Variants in GPC5 observed in about 807,000 individuals in gnomAD.
The protein encoded by GPC5 is glypican 5, also known as glypican-5.
GPC5 carries 47 observed loss-of-function variants against 53.9 expected under a neutral mutation model. The ratio of observed to expected loss-of-function variants is 0.87; its 90% confidence interval spans 0.69 to 1.11. The LOEUF (loss-of-function observed/expected upper bound fraction) is 1.11, where lower values mean the gene tolerates loss of function less well. GPC5 is among the 50% of genes most tolerant of loss of function. The pLI is 0.00. For synonymous variants in GPC5, 286 were observed against 263.3 expected, an observed-to-expected ratio of 1.09 and a Z score of -0.84; for missense variants, 748 against 713.1, an observed-to-expected ratio of 1.05 and a Z score of -0.56.
chr13:92,447,738 A>G (rs2139394714), intron 7 of GPC5: 1 of 152,262 alleles, frequency 6.6e-6, no homozygotes, highest in East Asian at 1.9e-4. Flanking sequence ...TAAATTTAAC[A>G]AATGACCTCT....
intron 5 of GPC5, among the ~76,000 whole-genome samples, chr13:91,802,703 C>G (rs577156956): frequency 2.6e-5 from 4 of 152,050 alleles, no homozygotes; most frequent in Admixed American, 2.6e-4. Flanking sequence ...CCAGCCGACC[C>G]GGAAGCCCAG....
chr13:91,674,667 C>T (rs375830283), intron 2 of GPC5, among the ~76,000 whole-genome samples: 18 of 143,438 alleles, frequency 1.3e-4, no homozygotes, highest in South Asian at 4.6e-4. Context: ...TGTATATATA[C>T]GCATATATAT....
chr13:91,778,740 C>A (rs572245398), intron 5 of GPC5, among the ~76,000 whole-genome samples: 1 of 152,132 alleles, frequency 6.6e-6, no homozygotes, highest in Non-Finnish European at 1.5e-5. Flanking sequence ...TCAATCATCA[C>A]GTAACTAATT....
At chr13:91,993,293 C>A (rs2040473752) in intron 6 of GPC5, among the ~76,000 whole-genome samples, 1 of 152,174 alleles carries the variant, frequency 6.6e-6, no homozygotes, top group South Asian at 2.1e-4. Context: ...AATGAGCAAA[C>A]TGCAATTCTA....
At chr13:92,441,716 T>G (rs915949567) in intron 7 of GPC5, among the ~76,000 whole-genome samples, 2 of 152,178 alleles carry the variant, frequency 1.3e-5, no homozygotes. Context: ...CATTCCATGC[T>G]TATAAACTGG....
intron 2 of GPC5, among the ~76,000 whole-genome samples, chr13:91,454,342 TTTTTTAAAC>T (rs1248547375): frequency 6.6e-6 from 1 of 152,086 alleles, no homozygotes; most frequent in Non-Finnish European, 1.5e-5. Flanking sequence ...TCCAAGTTTC[TTTTTTAAAC>T]TCTAAGAAGT....
chr13:92,278,970 A>AT (rs373499473), intron 7 of GPC5, among the ~76,000 whole-genome samples: 64 of 150,574 alleles, frequency 4.3e-4, no homozygotes, highest in Middle Eastern at 3.4e-3. Context: ...GTCTTAAATC[A>AT]TTTTTTTTTC....
In GPC5 at chr13:92,451,544, C is replaced by T. The variant is rs188182455; in HGVS notation, c.1561+306555C>T. ...GCAAGATAGGAATCAAAGTGATTAA[C>T]GTTATGTATATGAAAGTCAAGATTT... On this transcript the variant is annotated intron_variant, in intron 7 of 7. Transcript: ENST00000377067. Among the ~76,000 whole-genome samples, 36 of 151,386 alleles carry T rather than the reference C, an allele frequency of 2.4e-4. No individual in the cohort carries two copies. In the East Asian group the frequency reaches 3.1e-3, roughly 13 times the overall value.
rs138253255 is a variant in GPC5 at position 92,408,893 on chromosome 13, A to G, written c.1561+263904A>G. Among the ~76,000 whole-genome samples the G allele has an allele frequency of 2.7e-3, 413 of 152,260 alleles. 3 individuals are homozygous for G. The highest frequency in any genetic ancestry group is 9.5e-3 in the African/African-American group (393 of 41,554). On this transcript the variant is annotated intron_variant, in intron 7 of 7. Coordinates refer to ENST00000377067, the MANE Select transcript of GPC5 (RefSeq NM_004466.6). ...CTATAATAAACAGTGTGCCATATAC[A>G]TGAATGAAAATAATGGACCTATGGA...
intron 2 of GPC5, among the ~76,000 whole-genome samples, chr13:91,672,075 C>G (rs2035263546): frequency 6.6e-6 from 1 of 152,092 alleles, no homozygotes; most frequent in African/African-American, 2.4e-5. Context: ...TTCCTTACAC[C>G]TTATACAAAA....
intron 6 of GPC5, among the ~76,000 whole-genome samples, chr13:92,059,189 A>G (rs2041101057): frequency 6.6e-6 from 1 of 152,200 alleles, no homozygotes; most frequent in Non-Finnish European, 1.5e-5. Flanking sequence ...GTTCATATCT[A>G]TATCATCTTA....
chr13:91,684,891 GCT>G (rs1168348579), intron 2 of GPC5, among the ~76,000 whole-genome samples: 3 of 152,098 alleles, frequency 2.0e-5, no homozygotes, highest in Non-Finnish European at 4.4e-5. Flanking sequence ...CACTCACTGA[GCT>G]CCAATCACAT....
chr13:92,228,331 A>T (rs2042504204), intron 7 of GPC5, among the ~76,000 whole-genome samples: 1 of 152,172 alleles, frequency 6.6e-6, no homozygotes, highest in Non-Finnish European at 1.5e-5. Context: ...AAATAAAAGT[A>T]AAATTATTGT....
intron 4 of GPC5, among the ~76,000 whole-genome samples, chr13:91,728,880 A>G (rs1387546135): frequency 6.6e-6 from 1 of 152,152 alleles, no homozygotes; most frequent in Non-Finnish European, 1.5e-5. Flanking sequence ...TTTTGTGATA[A>G]TGGAAGATTT....
intron 2 of GPC5, among the ~76,000 whole-genome samples, chr13:91,452,306 TC>T (rs1397203274): frequency 1.3e-5 from 2 of 152,140 alleles, no homozygotes; most frequent in Non-Finnish European, 1.5e-5. Context: ...TTAGAAGGAC[TC>T]ATGATTATGA....
intron 7 of GPC5, among the ~76,000 whole-genome samples, chr13:92,621,265 C>T (rs1846897629): frequency 6.6e-6 from 1 of 152,114 alleles, no homozygotes; most frequent in Admixed American, 6.5e-5. Context: ...GGGAAACCCA[C>T]CCCTGATGGT....
rs559138768 is a variant in GPC5, at chr13:92,122,015, G to A, written c.1402-22815G>A. Among the ~76,000 whole-genome samples the A allele has an allele frequency of 5.9e-5, 9 of 152,264 alleles. No homozygotes were observed. In the East Asian group the frequency reaches 1.7e-3, roughly 29 times the overall value. On this transcript the variant is annotated intron_variant, in intron 6 of 7. Coordinates refer to ENST00000377067, the MANE Select transcript of GPC5 (RefSeq NM_004466.6). Reference sequence around the variant, plus strand: ...TCAGTCTTTGCTAGAAGCAACTTGCGACAAATCACACATCTACAGACTCTG... The same window carrying A: ...TCAGTCTTTGCTAGAAGCAACTTGCAACAAATCACACATCTACAGACTCTG...
In GPC5 at chr13:92,018,952, T is replaced by C. The variant is rs184123062; in HGVS notation, c.1401+110895T>C. On this transcript the variant is annotated intron_variant, in intron 6 of 7. Coordinates refer to ENST00000377067, the MANE Select transcript of GPC5 (RefSeq NM_004466.6). ...ATATGGTAGAAGGCACACTAACGGT[T>C]TCATTAGTATCTTCCTAAATATTGT... Among the ~76,000 whole-genome samples, 9 of 152,082 alleles carry C rather than the reference T, an allele frequency of 5.9e-5. No homozygotes were observed. The East Asian group carries it at 1.7e-3, about 29-fold the overall frequency.
chr13:92,854,038 G>T (rs1878902950), intron 7 of GPC5, among the ~76,000 whole-genome samples: 2 of 151,790 alleles, frequency 1.3e-5, no homozygotes, highest in African/African-American at 4.8e-5. Context: ...CAATTTTATT[G>T]TGTTGTCGTC....
Sources: allele counts gnomAD v4.1 joint callset (sites outside exome capture counted in the v4.1 genomes callset), GRCh38; gene constraint gnomAD v4.1.1; transcripts MANE v1.5; gene names NCBI Gene and HGNC (gene_info 2026-07-23, HGNC 2026-07-21).